The following LIPK variants were observed in gnomAD, a reference collection of about 807,000 sequenced individuals.
The protein encoded by LIPK is lipase member K.
A neutral mutation model predicts 48.6 loss-of-function variants in LIPK; 32 were observed. The ratio of observed to expected loss-of-function variants is 0.66; its 90% CI spans 0.50 to 0.88. LIPK has a LOEUF of 0.88. Among genes scored for constraint, LIPK ranks in the 40% least tolerant of loss-of-function variants. The pLI, the probability that LIPK is intolerant of heterozygous loss-of-function variation, is 0.00. For synonymous variants in LIPK, 164 were observed against 157.4 expected, an observed-to-expected ratio of 1.04 and a Z score of -0.32; for missense variants, 507 against 478.5, an observed-to-expected ratio of 1.06 and a Z score of -0.56.
chr10:88,739,951 A>G (rs774929717), intron 7 of LIPK, 45 bp from the exon 8 acceptor site: 8 of 1,184,930 alleles, frequency 6.8e-6, no homozygotes, highest in Middle Eastern at 1.9e-4. Flanking sequence ...TACTTGTGGT[A>G]TGATGATATG....
intron 8 of LIPK, among the ~76,000 whole-genome samples, chr10:88,742,075 G>A (rs905288217): frequency 1.3e-5 from 2 of 152,190 alleles, no homozygotes; most frequent in African/African-American, 4.8e-5. Flanking sequence ...AGAGCACAAA[G>A]TGGGAAGTGC....
chr10:88,721,719 C>T (rs1330083802), intron 1 of LIPK, among the ~76,000 whole-genome samples: 1 of 152,208 alleles, frequency 6.6e-6, no homozygotes, highest in African/African-American at 2.4e-5. Flanking sequence ...TGGATCTGCT[C>T]CAACACAAGG....
Position 88,732,398 on chromosome 10 carries a change from GTCTTCT to G in LIPK, c.533-14_533-9del. ...AATTATCTGAAAACTATGAACTACTGTCTTCTTCCATTTCAGCTTTTATAGCATTTT... is the reference window on the plus strand; with the variant it reads ...AATTATCTGAAAACTATGAACTACTGTCCATTTCAGCTTTTATAGCATTTT... On this transcript the variant is annotated splice_polypyrimidine_tract_variant and intron_variant, in intron 5 of 9. Transcript: ENST00000404190. 1 of 1,605,492 alleles carries G rather than the reference GTCTTCT, an allele frequency of 6.2e-7. No individual in the cohort carries two copies. The highest frequency in any genetic ancestry group is 8.5e-7 in the Non-Finnish European group (1 of 1,177,370).
intron 9 of LIPK, among the ~76,000 whole-genome samples, chr10:88,743,627 C>T (rs1347899565): frequency 6.6e-6 from 1 of 152,022 alleles, no homozygotes; most frequent in East Asian, 1.9e-4. Flanking sequence ...CTGGATACAG[C>T]CAGGAAGAGT....
rs1047218855 is a variant in LIPK at position 88,737,545 on chromosome 10, A to C, written c.670-90A>C. The C allele has an allele frequency of 6.7e-6, 9 of 1,346,352 alleles. No individual in the cohort carries two copies. The African/African-American group carries it at 1.1e-4, about 17-fold the overall frequency. The allele number at this position is 1,346,352 out of a possible 1,614,324, so 83.4% of individuals were successfully genotyped here. ...ACCAACACTGAGCAGATGTCACCTA[A>C]TACTGTGCAGTCCTTCTTTGAACTA... On this transcript the variant is annotated intron_variant, in intron 6 of 9. Coordinates refer to ENST00000404190, the MANE Select transcript of LIPK (RefSeq NM_001080518.2).
At chr10:88,709,239 T>C (rs2134675454) in intron 1 of LIPK, among the ~76,000 whole-genome samples, 2 of 152,182 alleles carry the variant, frequency 1.3e-5, no homozygotes, top group East Asian at 3.9e-4. Flanking sequence ...GAACTCTTTA[T>C]GAAGCTCTGT....
chr10:88,717,636 T>G (rs950738252), intron 1 of LIPK, among the ~76,000 whole-genome samples: 1 of 152,144 alleles, frequency 6.6e-6, no homozygotes, highest in Admixed American at 6.5e-5. Context: ...AAACTTTTCC[T>G]CCTCAGCACA....
At chr10:88,717,381 A>C (rs1261398157) in intron 1 of LIPK, among the ~76,000 whole-genome samples, 2 of 152,072 alleles carry the variant, frequency 1.3e-5, no homozygotes, top group African/African-American at 4.8e-5. Flanking sequence ...ATCCTGCCTT[A>C]TATTCCGGTA....
chr10:88,719,339 T>C (rs1842177783), intron 1 of LIPK, among the ~76,000 whole-genome samples: 1 of 152,272 alleles, frequency 6.6e-6, no homozygotes, highest in Admixed American at 6.5e-5. Flanking sequence ...ATAAAAACAG[T>C]AATAGTCAAT....
intron 1 of LIPK, among the ~76,000 whole-genome samples, chr10:88,707,819 T>C (rs1052196912): frequency 6.6e-6 from 1 of 152,128 alleles, no homozygotes; most frequent in Admixed American, 6.6e-5. Context: ...TCTTTCACCC[T>C]GTGGGTGGGG....
chr10:88,711,457 T>G (rs139258229), intron 1 of LIPK, among the ~76,000 whole-genome samples: 1 of 152,190 alleles, frequency 6.6e-6, no homozygotes, highest in East Asian at 1.9e-4. Context: ...AGTTGTACAT[T>G]AGCTGTTTTG....
chr10:88,747,845 A>G (rs370625438), intron 9 of LIPK, among the ~76,000 whole-genome samples: 2 of 152,328 alleles, frequency 1.3e-5, no homozygotes, highest in East Asian at 3.9e-4. Context: ...GGAAGATAGC[A>G]TGGCTATTCC....
At chr10:88,734,166 A>G (rs2134748606) in intron 6 of LIPK, among the ~76,000 whole-genome samples, 1 of 152,364 alleles carries the variant, frequency 6.6e-6, no homozygotes, top group African/African-American at 2.4e-5. Flanking sequence ...TTCCAGTATT[A>G]TAATGACAGA....
intron 2 of LIPK, among the ~76,000 whole-genome samples, chr10:88,725,951 G>C (rs1333183986): frequency 6.6e-6 from 1 of 152,206 alleles, no homozygotes; most frequent in Non-Finnish European, 1.5e-5. Context: ...GAGATGGAAA[G>C]AAATAGGCCA....
chr10:88,722,306 A>C (rs1326355473), intron 1 of LIPK, among the ~76,000 whole-genome samples: 2 of 152,210 alleles, frequency 1.3e-5, no homozygotes, highest in African/African-American at 4.8e-5. Context: ...AGGAAAAAAA[A>C]GATTAAATAA....
Position 88,737,654 on chromosome 10 carries a change from TG to T in LIPK, c.690del (p.Met230IlefsTer33). On this transcript the variant is annotated frameshift_variant, in exon 7 of 10. Transcript: ENST00000404190. LOFTEE classifies it high-confidence loss of function. The stretch of plus-strand genomic sequence containing the variant: ...TTGTAGGTGTTGTTTGGTGACAAAA[TG>T]TTCCACCCTCATACATTGTTTGACC... Reference protein sequence around the residue: ...RVVKVLFGDKMFHPHTLFDQF... With the variant: ...RVVKVLFGDKXFHPHTLFDQF... 1 of 1,613,596 alleles carries T rather than the reference TG, an allele frequency of 6.2e-7. No individual in the cohort carries two copies. Among genetic ancestry groups the T allele is most frequent in the Non-Finnish European group, 8.5e-7 (1 of 1,179,670 alleles).
At chr10:88,723,182 G>A (rs570747416) in intron 1 of LIPK, among the ~76,000 whole-genome samples, 1 of 152,050 alleles carries the variant, frequency 6.6e-6, no homozygotes, top group East Asian at 1.9e-4. Flanking sequence ...ATCATGCCCA[G>A]CCCAATATTT....
At chr10:88,750,634 C>G (rs1842847540) in intron 9 of LIPK, among the ~76,000 whole-genome samples, 1 of 152,072 alleles carries the variant, frequency 6.6e-6, no homozygotes, top group African/African-American at 2.4e-5. Flanking sequence ...GAACAATAGA[C>G]ACTGGGGCCT....
At chr10:88,742,555 G>A (rs1156240920) in intron 8 of LIPK, among the ~76,000 whole-genome samples, 6 of 152,186 alleles carry the variant, frequency 3.9e-5, no homozygotes, top group African/African-American at 1.4e-4. Flanking sequence ...GAAAAATGAA[G>A]TGCTGCATAT....
Sources: allele counts gnomAD v4.1 joint callset (sites outside exome capture counted in the v4.1 genomes callset), GRCh38; gene constraint gnomAD v4.1.1; transcripts MANE v1.5; gene names NCBI Gene and HGNC (gene_info 2026-07-23, HGNC 2026-07-21).